The following CTNND2 variants were observed in gnomAD, a reference collection of about 807,000 sequenced individuals.
CTNND2 encodes catenin delta-2.
A neutral mutation model predicts 144.4 loss-of-function variants in CTNND2; 22 were observed. The ratio of observed to expected loss-of-function variants is 0.15; its 90% CI spans 0.11 to 0.22. CTNND2 has a LOEUF of 0.22. Among genes scored for constraint, CTNND2 ranks in the 10% least tolerant of loss-of-function variants. The pLI, the probability that CTNND2 is intolerant of heterozygous loss-of-function variation, is 1.00. For missense variants in CTNND2, 1,353 were observed against 1,618.8 expected (o/e 0.84, Z 2.82); for synonymous variants, 751 against 695.6 (o/e 1.08, Z -1.25).
At chr5:11,548,219 A>G (rs1775427505) in intron 3 of CTNND2, among the ~76,000 whole-genome samples, 1 of 152,236 alleles carries the variant, frequency 6.6e-6, no homozygotes, top group African/African-American at 2.4e-5. Flanking sequence ...TATGTGTGAG[A>G]AAATATAAAG....
intron 1 of CTNND2, among the ~76,000 whole-genome samples, chr5:11,778,430 G>A (rs1267371992): frequency 6.6e-6 from 1 of 152,134 alleles, no homozygotes; most frequent in Non-Finnish European, 1.5e-5. Context: ...CCAACCAGGT[G>A]ACATTGTCAG....
chr5:11,367,026 T>C (rs1197457498), intron 7 of CTNND2, among the ~76,000 whole-genome samples: 1 of 152,232 alleles, frequency 6.6e-6, no homozygotes, highest in Non-Finnish European at 1.5e-5. Flanking sequence ...ATTACGAATA[T>C]AATAATCAAA....
chr5:11,831,644 G>GTCTCC (rs1793907207), intron 1 of CTNND2, among the ~76,000 whole-genome samples: 1 of 149,926 alleles, frequency 6.7e-6, no homozygotes, highest in Non-Finnish European at 1.5e-5. Context: ...TCCAGCCAGG[G>GTCTCC]CAACAGAGGG....
chr5:11,263,740 A>G (rs1385519997), intron 9 of CTNND2, among the ~76,000 whole-genome samples: 1 of 152,162 alleles, frequency 6.6e-6, no homozygotes. Context: ...CACCCACCCT[A>G]AACTCTTTAC....
At chr5:11,403,050 TTTTAC>T (rs958947543) in intron 5 of CTNND2, among the ~76,000 whole-genome samples, 2 of 152,178 alleles carry the variant, frequency 1.3e-5, no homozygotes, top group African/African-American at 4.8e-5. Context: ...TTAAATTTTA[TTTTAC>T]TTTAAGTTCT....
chr5:11,768,335 G>T (rs1410991756), intron 1 of CTNND2, among the ~76,000 whole-genome samples: 2 of 151,698 alleles, frequency 1.3e-5, no homozygotes, highest in African/African-American at 4.9e-5. Context: ...TGTCACCCAG[G>T]CTGGAGTGCA....
intron 3 of CTNND2, among the ~76,000 whole-genome samples, chr5:11,451,883 C>T (rs1765344877): frequency 1.3e-5 from 2 of 152,174 alleles, no homozygotes; most frequent in Non-Finnish European, 1.5e-5. Flanking sequence ...GTGGCATATG[C>T]TTCTACTTAG....
chr5:11,041,942 T>C (rs1243053133), intron 16 of CTNND2, among the ~76,000 whole-genome samples: 1 of 152,208 alleles, frequency 6.6e-6, no homozygotes, highest in Non-Finnish European at 1.5e-5. Flanking sequence ...ATTAGCAAAG[T>C]AAAGGCTCTG....
chr5:11,521,537 C>A (rs548296244), intron 3 of CTNND2, among the ~76,000 whole-genome samples: 8 of 152,304 alleles, frequency 5.3e-5, no homozygotes, highest in South Asian at 2.1e-4. Flanking sequence ...ATTCTCACCA[C>A]CATCATTAAA....
intron 16 of CTNND2, among the ~76,000 whole-genome samples, chr5:11,035,552 C>A (rs1743977009): frequency 6.6e-6 from 1 of 152,228 alleles, no homozygotes; most frequent in African/African-American, 2.4e-5. Context: ...TTCCCCTTGG[C>A]CACGTAAGGT....
chr5:11,037,852 G>A (rs1194404599), intron 16 of CTNND2, among the ~76,000 whole-genome samples: 1 of 151,970 alleles, frequency 6.6e-6, no homozygotes, highest in Non-Finnish European at 1.5e-5. Context: ...AACTATAATA[G>A]TCCTGCAAAT....
chr5:11,540,476 C>T (rs147746647), intron 3 of CTNND2, among the ~76,000 whole-genome samples: 6 of 152,260 alleles, frequency 3.9e-5, no homozygotes, highest in South Asian at 2.1e-4. Context: ...TAAATGGTTA[C>T]GACACAGACT....
At chr5:10,996,862 G>T (rs1190029734) in intron 18 of CTNND2, among the ~76,000 whole-genome samples, 1 of 152,168 alleles carries the variant, frequency 6.6e-6, no homozygotes, top group Non-Finnish European at 1.5e-5. Context: ...CTCCCAAAGT[G>T]TTGGGATTAC....
intron 1 of CTNND2, among the ~76,000 whole-genome samples, chr5:11,877,917 T>A (rs939630334): frequency 5.9e-5 from 9 of 152,200 alleles, no homozygotes. Context: ...TAAATCCATC[T>A]AATATATAAA....
intron 16 of CTNND2, among the ~76,000 whole-genome samples, chr5:11,064,350 G>A (rs540260224): frequency 3.3e-5 from 5 of 152,170 alleles, no homozygotes; most frequent in African/African-American, 4.8e-5. Flanking sequence ...TCTAGTCACC[G>A]CATAACTGAG....
At chr5:11,793,446 A>T (rs1791242336) in intron 1 of CTNND2, among the ~76,000 whole-genome samples, 1 of 152,186 alleles carries the variant, frequency 6.6e-6, no homozygotes, top group African/African-American at 2.4e-5. Context: ...CCCTATTTGG[A>T]AATAGGATTG....
intron 9 of CTNND2, among the ~76,000 whole-genome samples, chr5:11,250,896 A>C (rs1743571530): frequency 1.3e-5 from 2 of 152,274 alleles, no homozygotes; most frequent in African/African-American, 2.4e-5. Flanking sequence ...ATAAAGACTA[A>C]GTGGCAGAGA....
At chr5:11,316,717 C>T (rs113441418) in intron 9 of CTNND2, among the ~76,000 whole-genome samples, 2,284 of 150,790 alleles carry the variant, frequency 0.015, 41 homozygotes, top group African/African-American at 0.052. Flanking sequence ...GTTCAATTCC[C>T]GCCTATGAGT....
At position 11,690,822 on chromosome 5, in the gene CTNND2, G is replaced by A. The variant is rs1485102311; in HGVS notation, c.174+41314C>T. ...TACTCTTTTACAAAACAAAAAACTT[G>A]ATTGCTTATAATTATTATATAAAAT... On this transcript the variant is annotated intron_variant, in intron 2 of 21. Transcript: ENST00000304623. 2.8e-5 allele frequency among the ~76,000 whole-genome samples: 4 copies of A among 141,346 alleles called. No homozygotes were observed. The Admixed American group carries it at 2.9e-4, about 10-fold the overall frequency. 92.7% of individuals were successfully genotyped at this position (141,346 alleles called of 152,430 possible).
Sources: gnomAD v4.1 joint callset for allele counts (sites outside exome capture counted in the v4.1 genomes callset) on GRCh38, gnomAD v4.1.1 for gene constraint, MANE v1.5 for transcripts, NCBI Gene and HGNC (gene_info 2026-07-23, HGNC 2026-07-21) for gene names.